Variants in GAS7 observed in about 807,000 individuals in gnomAD.
GAS7 encodes growth arrest-specific protein 7.
A neutral mutation model predicts 71.1 loss-of-function variants in GAS7; 28 were observed. The ratio of observed to expected loss-of-function variants is 0.39; its 90% CI spans 0.29 to 0.54. GAS7 has a LOEUF of 0.54. GAS7 is among the 20% of genes least tolerant of loss of function. The pLI is 0.62. For synonymous variants in GAS7, 258 were observed against 245.8 expected (o/e 1.05, Z -0.46); for missense variants, 436 against 627.8 (o/e 0.69, Z 3.27).
At position 10,090,013 on chromosome 17, in the gene GAS7, C is replaced by A. The variant is rs187354512; in HGVS notation, c.184-70116G>T. ...TGAAACCCTGCCTCTACTAAAAATA[C>A]GAAAAATTAGCCAGGCATGGTGGCG... On this transcript the variant is annotated intron_variant, in intron 1 of 13. Coordinates refer to ENST00000432992, the MANE Select transcript of GAS7 (RefSeq NM_201433.2). 2.0e-3 allele frequency among the ~76,000 whole-genome samples: 308 copies of A among 152,062 alleles called. 1 individual carries two copies. Among genetic ancestry groups the A allele is most frequent in the Non-Finnish European group, 2.4e-3 (164 of 67,992 alleles).
intron 8 of GAS7, among the ~76,000 whole-genome samples, chr17:9,934,793 T>C (rs1036932529): frequency 6.6e-6 from 1 of 152,236 alleles, no homozygotes; most frequent in Non-Finnish European, 1.5e-5. Context: ...TGGAGTACAA[T>C]GGCGCGATCT....
rs900887666 is a variant in GAS7 at position 9,918,160 on chromosome 17, C to A, written c.1219-61G>T. ...CGTCCCCTCCACTTGGGGGTCCCCCCACCAAGACCACAAAACGCAAGTCAC... is the reference window on the plus strand; with the variant it reads ...CGTCCCCTCCACTTGGGGGTCCCCCAACCAAGACCACAAAACGCAAGTCAC... On this transcript the variant is annotated intron_variant, in intron 12 of 13. Transcript: ENST00000432992. The A allele has an allele frequency of 1.4e-5, 16 of 1,168,854 alleles. No individual in the cohort carries two copies. In the African/African-American group the frequency reaches 1.8e-4, roughly 13 times the overall value. The allele number at this position is 1,168,854 out of a possible 1,614,324, so 72.4% of individuals were successfully genotyped here.
intron 1 of GAS7, among the ~76,000 whole-genome samples, chr17:10,170,923 C>T (rs2074331342): frequency 6.6e-6 from 1 of 152,202 alleles, no homozygotes; most frequent in Non-Finnish European, 1.5e-5. Context: ...GATCCCTGAA[C>T]AACTCAAAGG....
chr17:9,917,433 T>A, intron 13 of GAS7, 92 bp from the exon 14 acceptor site: 1 of 889,906 alleles, frequency 1.1e-6, no homozygotes, highest in Non-Finnish European at 1.8e-6. Context: ...CCTTAGTGTC[T>A]CTGAGAGCAG....
intron 1 of GAS7, among the ~76,000 whole-genome samples, chr17:10,093,733 AATTTATTCTT>A (rs1231043805): frequency 6.6e-6 from 1 of 152,108 alleles, no homozygotes; most frequent in African/African-American, 2.4e-5. Context: ...TATTTCACGA[AATTTATTCTT>A]AATACAGTTG....
chr17:10,164,994 C>A (rs2074282732), intron 1 of GAS7, among the ~76,000 whole-genome samples: 1 of 150,724 alleles, frequency 6.6e-6, no homozygotes, highest in Non-Finnish European at 1.5e-5. Context: ...ACTAAAAATA[C>A]AAAAAATTAG....
chr17:10,048,031 G>A (rs1567568094), intron 1 of GAS7, among the ~76,000 whole-genome samples: 1 of 152,212 alleles, frequency 6.6e-6, no homozygotes, highest in South Asian at 2.1e-4. Flanking sequence ...GCCAGGCGCG[G>A]TGACTCATGC....
rs111769974 is a variant in GAS7 at position 10,033,805 on chromosome 17, A to T, written c.184-13908T>A. On this transcript the variant is annotated intron_variant, in intron 1 of 13. Transcript: ENST00000432992. Reference sequence around the variant, plus strand: ...AGTGGCCTGCAGGCACTGAAGGAAAATGGAAGCAGCTCATTTCCCCAACAC... The same window carrying T: ...AGTGGCCTGCAGGCACTGAAGGAAATTGGAAGCAGCTCATTTCCCCAACAC... Among the ~76,000 whole-genome samples, 1,288 of 152,314 alleles carry T rather than the reference A, an allele frequency of 8.5e-3. 16 individuals are homozygous for T. Among genetic ancestry groups the T allele is most frequent in the African/African-American group, 0.028 (1,157 of 41,558 alleles).
intron 1 of GAS7, among the ~76,000 whole-genome samples, chr17:10,079,853 G>GA (rs1189000786): frequency 4.0e-5 from 6 of 151,780 alleles, no homozygotes; most frequent in Non-Finnish European, 8.8e-5. Flanking sequence ...CAAATTTAAA[G>GA]AAAAAAAATA....
chr17:10,054,916 T>G (rs1597755398), intron 1 of GAS7, among the ~76,000 whole-genome samples: 1 of 152,096 alleles, frequency 6.6e-6, no homozygotes, highest in Non-Finnish European at 1.5e-5. Flanking sequence ...GAAGGGACCC[T>G]GGAAAGCCTG....
intron 1 of GAS7, among the ~76,000 whole-genome samples, chr17:10,151,324 T>C (rs1252415367): frequency 2.0e-5 from 3 of 151,900 alleles, no homozygotes; most frequent in African/African-American, 7.3e-5. Context: ...CGTTTGCTTG[T>C]TTTTGTTTTT....
At chr17:10,107,077 T>C (rs1037209146) in intron 1 of GAS7, among the ~76,000 whole-genome samples, 2 of 152,200 alleles carry the variant, frequency 1.3e-5, no homozygotes, top group South Asian at 4.1e-4. Flanking sequence ...AAGGAACAGA[T>C]TCTCCTTGGA....
At chr17:10,041,777 T>A (rs1294730678) in intron 1 of GAS7, among the ~76,000 whole-genome samples, 1 of 152,206 alleles carries the variant, frequency 6.6e-6, no homozygotes, top group Non-Finnish European at 1.5e-5. Context: ...TTGCTACATA[T>A]GAAGCCACAC....
rs754853371 is a variant in GAS7 at position 9,969,155 on chromosome 17, T to C, written c.471+522A>G. On this transcript the variant is annotated intron_variant, in intron 4 of 13. Coordinates refer to ENST00000432992, the MANE Select transcript of GAS7 (RefSeq NM_201433.2). This position sits in a 1 kb window ranked among gnomAD's most constrained non-coding sequence, Gnocchi z 5.5. The stretch of plus-strand genomic sequence containing the variant: ...TGTTACTGACGCCTAACTCACATGT[T>C]TGCATAAACATCAAGTAGGATGGAG... 1.4e-4 allele frequency among the ~76,000 whole-genome samples: 21 copies of C among 152,296 alleles called. No homozygotes were observed. Among genetic ancestry groups the C allele is most frequent in the Non-Finnish European group, 2.5e-4 (17 of 68,018 alleles).
rs765026371 is a variant in GAS7, at chr17:9,969,732, G to A, written c.416C>T (p.Ala139Val). The change falls in exon 4 of 14, where the codon GCG becomes GTG. Residue 139 changes from alanine (A) to valine (V), a missense_variant. By Grantham distance (64) the Ala-to-Val change is moderately conservative (BLOSUM62 0). Transcript: ENST00000432992. The surrounding 1 kb of genome is among the most constrained non-coding windows in gnomAD (Gnocchi z 5.5). ...VNGYHASGTP[A>V]HPPETAHMSV... ...CATGTGGGCAGTCTCTGGAGGGTGC[G>A]CTGGGGTCCCTGATGCGTGGTATCC... 25 of 1,611,778 alleles carry A rather than the reference G, an allele frequency of 1.6e-5. No individual in the cohort carries two copies. The highest frequency in any genetic ancestry group is 1.9e-5 in the Non-Finnish European group (22 of 1,177,948).
intron 1 of GAS7, among the ~76,000 whole-genome samples, chr17:10,110,718 C>T (rs912538049): frequency 2.0e-5 from 3 of 152,044 alleles, no homozygotes; most frequent in African/African-American, 7.2e-5. Flanking sequence ...GTGATCTGCC[C>T]GCCTCAGCCT....
At chr17:9,990,456 A>G (rs60301277) in intron 2 of GAS7, among the ~76,000 whole-genome samples, 35,661 of 151,974 alleles carry the variant, frequency 0.23, 4,676 homozygotes, top group Middle Eastern at 0.35. Context: ...CATGACTGCC[A>G]CAATCTATTA....
chr17:9,970,828 G>A (rs3826529), intron 3 of GAS7, among the ~76,000 whole-genome samples: 65,285 of 151,814 alleles, frequency 0.43, 14,469 homozygotes, highest in South Asian at 0.5. Flanking sequence ...CAGCATGGAC[G>A]GTTTCAAGCC....
intron 1 of GAS7, among the ~76,000 whole-genome samples, chr17:10,070,187 C>T (rs1464547067): frequency 3.9e-5 from 6 of 151,958 alleles, no homozygotes; most frequent in Admixed American, 3.9e-4. Flanking sequence ...CTCCTCTATC[C>T]CCAGTCTTGA....
Sources: allele counts gnomAD v4.1 joint callset (sites outside exome capture counted in the v4.1 genomes callset), GRCh38; gene constraint gnomAD v4.1.1; non-coding constraint Gnocchi (gnomAD v3.1); transcripts MANE v1.5; gene names NCBI Gene and HGNC (gene_info 2026-07-23, HGNC 2026-07-21).